Variants in NUP205 observed in about 807,000 individuals in gnomAD.
The protein encoded by NUP205 is nuclear pore complex protein Nup205.
Under a neutral mutation model 253.8 loss-of-function variants are expected in NUP205, and 76 were observed. The ratio of observed to expected loss-of-function variants is 0.30; its 90% confidence interval spans 0.25 to 0.36. NUP205 has a LOEUF of 0.36. Ranked by LOEUF, NUP205 falls within the 10% of genes least tolerant of loss-of-function variation. The probability of loss-of-function intolerance (pLI) is 1.00; values close to 1 mark genes in which losing one functional copy is unlikely to be tolerated. For missense variants in NUP205, 2,162 were observed against 2,425.5 expected (o/e 0.89, Z 2.28); for synonymous variants, 832 against 850.1 (o/e 0.98, Z 0.37).
chr7:135,614,420 T>C (rs1317179730), intron 23 of NUP205, 147 bp downstream of exon 23: 1 of 563,490 alleles, frequency 1.8e-6, no homozygotes, highest in Non-Finnish European at 3.2e-6. Context: ...AATTTCTGCT[T>C]AAAGAAGGCT....
chr7:135,626,241 C>T lies in NUP205; in HGVS notation c.4673C>T (p.Ala1558Val), dbSNP rs1317656478. The change falls in exon 33 of 43, where the codon GCA becomes GTA. Residue 1558 changes from alanine to valine, a missense_variant and splice_region_variant. Ala to Val is a moderately conservative substitution (Grantham distance 64). This residue lies in a region of NUP205 where 1,144 missense variants were observed against 1,280.9 expected (regional missense o/e 0.89). Coordinates refer to ENST00000285968, the MANE Select transcript of NUP205 (RefSeq NM_015135.3). ...GATTTTTCTCTTGTAACTCCTCAGG[C>T]ATTTCTCACAAGAGTGGCAAAGATA... ...KALYTYESKM[A>V]FLTRVAKIQQ... The T allele has an allele frequency of 6.2e-7, 1 of 1,614,048 alleles. No individual in the cohort carries two copies. Among genetic ancestry groups the T allele is most frequent in the Non-Finnish European group, 8.5e-7 (1 of 1,179,976 alleles).
chr7:135,642,935 G>C (rs1794942053), intron 38 of NUP205, among the ~76,000 whole-genome samples: 1 of 151,822 alleles, frequency 6.6e-6, no homozygotes, highest in Non-Finnish European at 1.5e-5. Context: ...ATAAAGGGTA[G>C]GCTCTGCCAA....
At chr7:135,629,470 T>TCTCC (rs965373471) in intron 34 of NUP205, among the ~76,000 whole-genome samples, 1 of 4,980 alleles carries the variant, frequency 2.0e-4, no homozygotes, top group African/African-American at 7.4e-4. Context: ...TGAGACCCTA[T>TCTCC]CTCTCTCTCT....
chr7:135,612,021 G>T (rs1794251335), intron 22 of NUP205, among the ~76,000 whole-genome samples: 1 of 152,160 alleles, frequency 6.6e-6, no homozygotes, highest in African/African-American at 2.4e-5. Context: ...TCAGGAGGCT[G>T]AGGCGGGAGA....
intron 1 of NUP205, among the ~76,000 whole-genome samples, chr7:135,567,278 C>T (rs1461213310): frequency 7.2e-6 from 1 of 139,156 alleles, no homozygotes; most frequent in Non-Finnish European, 1.5e-5. Context: ...CTGCACATCT[C>T]CCTTTAAAAA....
intron 1 of NUP205, among the ~76,000 whole-genome samples, chr7:135,568,962 G>A (rs1189675087): frequency 6.6e-6 from 1 of 152,122 alleles, no homozygotes. Flanking sequence ...TTCCTTTACT[G>A]GAATATTTCA....
chr7:135,644,330 A>G (rs894664221), intron 39 of NUP205, among the ~76,000 whole-genome samples: 1 of 152,182 alleles, frequency 6.6e-6, no homozygotes, highest in Non-Finnish European at 1.5e-5. Flanking sequence ...TTGTACTTGT[A>G]AGAGGAATTG....
intron 36 of NUP205, among the ~76,000 whole-genome samples, chr7:135,636,646 C>T (rs1584690616): frequency 6.6e-6 from 1 of 152,118 alleles, no homozygotes; most frequent in Non-Finnish European, 1.5e-5. Context: ...AAATGTTAAA[C>T]ATAGATAGAA....
At position 135,573,732 on chromosome 7, in the gene NUP205, C is replaced by A; in HGVS notation, c.250C>A (p.Arg84=). Residue 84 remains arginine, a synonymous_variant, in exon 3 of 43, where the codon CGA becomes AGA. Transcript: ENST00000285968. ...CGCCATTCAGGGTCAACAGGGAACT[C>A]GACTTCTTCCTGAACAGCTCATTAA... The part of the protein sequence containing the change: ...GVAIQGQQGT[R]LLPEQLIKEA... 6.2e-7 allele frequency: 1 copy of A among 1,613,798 alleles called. No homozygotes were observed. Among genetic ancestry groups the A allele is most frequent in the Non-Finnish European group, 8.5e-7 (1 of 1,179,732 alleles).
At chr7:135,590,581 A>G (rs994674643) in intron 10 of NUP205, among the ~76,000 whole-genome samples, 1 of 149,336 alleles carries the variant, frequency 6.7e-6, no homozygotes, top group Non-Finnish European at 1.5e-5. Context: ...TTGCCAGGCT[A>G]GAGTGCAGTG....
intron 38 of NUP205, among the ~76,000 whole-genome samples, chr7:135,640,825 T>C (rs1329524342): frequency 6.6e-6 from 1 of 152,168 alleles, no homozygotes; most frequent in Non-Finnish European, 1.5e-5. Context: ...TAGAGTAAAA[T>C]AGTTAAATTA....
chr7:135,587,938 G>A lies in NUP205; in HGVS notation c.1419G>A (p.Pro473=), dbSNP rs533228318. The A allele has an allele frequency of 5.1e-5, 83 of 1,613,890 alleles. 4 individuals carry two copies. The South Asian group carries it at 7.1e-4, about 14-fold the overall frequency. The change falls in exon 10 of 43, where the codon CCG becomes CCA. Residue 473 remains proline (P), a synonymous_variant. Transcript: ENST00000285968. ...YWCPTEPLQT[P]TIMGSYLGVA... The stretch of plus-strand genomic sequence containing the variant: ...GTCCCACAGAGCCTCTTCAGACTCC[G>A]ACTATCATGGGCTCTTATCTAGGGG...
intron 35 of NUP205, among the ~76,000 whole-genome samples, chr7:135,631,942 G>T (rs1794723862): frequency 6.6e-6 from 1 of 152,002 alleles, no homozygotes; most frequent in Non-Finnish European, 1.5e-5. Flanking sequence ...GTAGAGACGG[G>T]GTTTCACCGT....
At chr7:135,616,103 G>C in intron 24 of NUP205, 38 bp downstream of exon 24, 2 of 1,578,896 alleles carry the variant, frequency 1.3e-6, no homozygotes, top group Non-Finnish European at 1.7e-6. Flanking sequence ...CTGGTGACTA[G>C]TTGTCGTGAA....
chr7:135,597,016 G>C (rs10275098), intron 13 of NUP205, among the ~76,000 whole-genome samples: 62,486 of 151,460 alleles, frequency 0.41, 13,818 homozygotes, highest in Middle Eastern at 0.58. Flanking sequence ...TGTGCCACCA[G>C]TAGGGCTAGT....
At position 135,567,138 on chromosome 7, in the gene NUP205, A is replaced by G. The variant is rs1254222986; in HGVS notation, c.29-3967A>G. On this transcript the variant is annotated intron_variant, in intron 1 of 42. Transcript: ENST00000285968. ...GCTCAGTCTATGTGTGTATATATAT[A>G]TATATATATATATATATATATATAT... Among the ~76,000 whole-genome samples the G allele has an allele frequency of 8.3e-4, 27 of 32,550 alleles. 1 individual carries two copies. Among genetic ancestry groups the G allele is most frequent in the African/African-American group, 2.7e-3 (27 of 10,156 alleles). The allele number at this position is 32,550 out of a possible 152,430, so 21.4% of individuals were successfully genotyped here.
intron 22 of NUP205, among the ~76,000 whole-genome samples, chr7:135,608,673 A>C (rs1193610027): frequency 6.6e-6 from 1 of 152,152 alleles, no homozygotes; most frequent in African/African-American, 2.4e-5. Context: ...ATGCCACTGC[A>C]CTCCAGCTGG....
chr7:135,607,331 C>T lies in NUP205; in HGVS notation c.3155C>T (p.Ala1052Val), dbSNP rs554848551. 10 of 1,613,958 alleles carry T rather than the reference C, an allele frequency of 6.2e-6. No homozygotes were observed. Among genetic ancestry groups the T allele is most frequent in the African/African-American group, 4.0e-5 (3 of 75,042 alleles). The change falls in exon 22 of 43, where the codon GCG becomes GTG. Residue 1052 changes from alanine to valine, a missense_variant. Transcript: ENST00000285968. ...KGTEGRTGPV[A>V]VRESPQLAEL... ...ACGGAAGGGAGAACAGGCCCAGTGG[C>T]GGTGCGAGAATCTCCTCAGCTGGCT... is the stretch of plus-strand genomic sequence containing the variant.
At chr7:135,616,617 C>A in intron 24 of NUP205, 38 bp from the exon 25 acceptor site, 2 of 1,223,208 alleles carry the variant, frequency 1.6e-6, no homozygotes, top group South Asian at 1.5e-5. Context: ...AGAGTATGTT[C>A]TTCTTTTTCT....
Sources: allele counts gnomAD v4.1 joint callset (sites outside exome capture counted in the v4.1 genomes callset), GRCh38; gene constraint gnomAD v4.1.1; regional missense constraint gnomAD v4.1.1; transcripts MANE v1.5; gene names NCBI Gene and HGNC (gene_info 2026-07-23, HGNC 2026-07-21).